Variants in MYO18B observed in about 807,000 individuals in gnomAD.
MYO18B encodes unconventional myosin-XVIIIb.
Under a neutral mutation model 273.0 loss-of-function variants are expected in MYO18B, and 204 were observed. That is an observed-to-expected ratio of 0.75 (90% CI 0.67 to 0.84). MYO18B has a LOEUF of 0.84. Among genes scored for constraint, MYO18B ranks in the 40% least tolerant of loss-of-function variants. The pLI is 0.00. For missense variants in MYO18B, 3,212 were observed against 3,287.6 expected (o/e 0.98, Z 0.56); for synonymous variants, 1,330 against 1,305.7 (o/e 1.02, Z -0.40).
intron 34 of MYO18B, among the ~76,000 whole-genome samples, chr22:25,926,719 G>A (rs1232131490): frequency 6.6e-6 from 1 of 152,184 alleles, no homozygotes; most frequent in Non-Finnish European, 1.5e-5. Flanking sequence ...CCAAGCTACA[G>A]GGATAAAGAG....
At chr22:25,951,082 A>T (rs1188079563) in intron 37 of MYO18B, among the ~76,000 whole-genome samples, 1 of 152,164 alleles carries the variant, frequency 6.6e-6, no homozygotes, top group African/African-American at 2.4e-5. Context: ...TGCCTGCTTT[A>T]TATTCTCTGG....
At chr22:25,855,669 T>A (rs1271122977) in intron 21 of MYO18B, among the ~76,000 whole-genome samples, 2 of 152,136 alleles carry the variant, frequency 1.3e-5, no homozygotes, top group Non-Finnish European at 2.9e-5. Context: ...GCATTTAGGG[T>A]GATTCTATGT....
chr22:25,871,844 A>C (rs1012521550), intron 22 of MYO18B, among the ~76,000 whole-genome samples: 2 of 152,344 alleles, frequency 1.3e-5, no homozygotes, highest in African/African-American at 4.8e-5. Context: ...GATTCTGCAA[A>C]GGCTTATTCC....
chr22:25,835,073 G>T (rs1271981147), intron 16 of MYO18B, among the ~76,000 whole-genome samples: 2 of 152,216 alleles, frequency 1.3e-5, no homozygotes, highest in East Asian at 1.9e-4. Context: ...CCACACAGGA[G>T]GTGAGCACAG....
chr22:25,952,247 G>A (rs1569229636), intron 37 of MYO18B, 39 bp from the exon 38 acceptor site: 3 of 1,596,216 alleles, frequency 1.9e-6, no homozygotes, highest in East Asian at 2.3e-5. Flanking sequence ...CTGGTATCAG[G>A]GACAACAGAT....
intron 39 of MYO18B, among the ~76,000 whole-genome samples, chr22:25,960,605 C>T (rs1021951564): frequency 6.6e-6 from 1 of 152,200 alleles, no homozygotes; most frequent in African/African-American, 2.4e-5. Context: ...TTAGAAATTG[C>T]AGCAACCTGT....
At chr22:25,852,387 T>C (rs1199074152) in intron 21 of MYO18B, among the ~76,000 whole-genome samples, 1 of 118,740 alleles carries the variant, frequency 8.4e-6, no homozygotes, top group East Asian at 3.3e-4. Flanking sequence ...ATAATGTTTT[T>C]GTTGAGTTAA....
chr22:25,829,608 G>A (rs982010739), intron 15 of MYO18B, among the ~76,000 whole-genome samples: 1 of 151,824 alleles, frequency 6.6e-6, no homozygotes, highest in African/African-American at 2.4e-5. Flanking sequence ...GGAGCCCGAG[G>A]CGGGCGGATC....
At chr22:25,818,823 G>A (rs1201444859) in intron 12 of MYO18B, among the ~76,000 whole-genome samples, 2 of 152,110 alleles carry the variant, frequency 1.3e-5, no homozygotes, top group African/African-American at 4.8e-5. Flanking sequence ...TATCTCACAT[G>A]TAACCATCTC....
intron 34 of MYO18B, among the ~76,000 whole-genome samples, chr22:25,934,137 A>G (rs1461261174): frequency 2.0e-5 from 3 of 152,186 alleles, no homozygotes; most frequent in South Asian, 4.1e-4. Context: ...TCCAAGGCAT[A>G]TGCTTATTTT....
At position 26,017,025 on chromosome 22, in the gene MYO18B, TTTCCTTCCTTCCTTCCTTCCTTCCTTCC is replaced by T. The variant is rs59617056; in HGVS notation, c.6471-9398_6471-9371del. ...TCCTAACTCTTTTTTATTAGGCTAA[TTTCCTTCCTTCCTTCCTTCCTTCCTTCC>T]TTCCTTCCTTCCTTCCTTCCTCTCT... On this transcript the variant is annotated intron_variant, in intron 42 of 43. Coordinates refer to ENST00000335473, the MANE Select transcript of MYO18B (RefSeq NM_032608.7). Among the ~76,000 whole-genome samples the T allele has an allele frequency of 2.4e-5, 3 of 124,132 alleles. No individual in the cohort carries two copies. The Admixed American group carries it at 2.5e-4, about 10-fold the overall frequency. The allele number at this position is 124,132 out of a possible 152,430, so 81.4% of individuals were successfully genotyped here.
At chr22:25,895,459 A>C (rs2146304643) in intron 28 of MYO18B, 179 bp downstream of exon 28, 1 of 680,550 alleles carries the variant, frequency 1.5e-6, no homozygotes, top group Non-Finnish European at 2.4e-6. Context: ...GACATGAAAA[A>C]TATTGTCTGT....
At chr22:25,796,303 G>C (rs2087906325) in intron 11 of MYO18B, among the ~76,000 whole-genome samples, 1 of 152,152 alleles carries the variant, frequency 6.6e-6, no homozygotes, top group East Asian at 1.9e-4. Context: ...ATCTTTGGCA[G>C]GCTGGGTGCA....
intron 34 of MYO18B, among the ~76,000 whole-genome samples, chr22:25,922,787 AGCGATCCCACAGCTTCGGCT>A (rs1293452575): frequency 6.6e-6 from 1 of 152,228 alleles, no homozygotes. Context: ...GGTTGGAAAC[AGCGATCCCACAGCTTCGGCT>A]GCTTCCAGTC....
Position 25,902,727 on chromosome 22 carries a change from G to T in MYO18B, c.4938G>T (p.Gln1646His). ...GGTGGGAGCTAGGCCAGCTTCAGCAGCAGCTGAAGGTAAGGGATGGGGGAC... is the reference window on the plus strand; with the variant it reads ...GGTGGGAGCTAGGCCAGCTTCAGCATCAGCTGAAGGTAAGGGATGGGGGAC... ...SVRWELGQLQ[Q>H]QLKQKEQEAS... Residue 1646 changes from glutamine to histidine, a missense_variant, in exon 30 of 44, where the codon CAG becomes CAT. Transcript: ENST00000335473. The T allele has an allele frequency of 6.3e-7, 1 of 1,582,908 alleles. No individual in the cohort carries two copies. Among genetic ancestry groups the T allele is most frequent in the Non-Finnish European group, 8.6e-7 (1 of 1,163,712 alleles).
chr22:25,890,633 TTATAC>T, intron 25 of MYO18B, 118 bp from the exon 26 acceptor site: 1 of 1,378,866 alleles, frequency 7.3e-7, no homozygotes, highest in Non-Finnish European at 9.8e-7. Context: ...AACGAGTTGA[TTATAC>T]TCAAGGGTTG....
At chr22:25,925,773 T>G (rs2092411607) in intron 34 of MYO18B, among the ~76,000 whole-genome samples, 1 of 148,776 alleles carries the variant, frequency 6.7e-6, no homozygotes, top group East Asian at 2.0e-4. Flanking sequence ...GGTGTGGTGG[T>G]GCATGACTGT....
intron 21 of MYO18B, among the ~76,000 whole-genome samples, chr22:25,865,652 T>A (rs2090863961): frequency 6.6e-6 from 1 of 152,082 alleles, no homozygotes; most frequent in African/African-American, 2.4e-5. Context: ...AGGCTCGGAG[T>A]AAAGCACTTC....
intron 25 of MYO18B, among the ~76,000 whole-genome samples, chr22:25,881,876 G>A (rs2091346419): frequency 1.4e-5 from 2 of 146,354 alleles, no homozygotes; most frequent in Non-Finnish European, 3.0e-5. Flanking sequence ...GTTGATGAGT[G>A]TATGGAAGCC....
Sources: gnomAD v4.1 joint callset for allele counts (sites outside exome capture counted in the v4.1 genomes callset) on GRCh38, gnomAD v4.1.1 for gene constraint, MANE v1.5 for transcripts, NCBI Gene and HGNC (gene_info 2026-07-23, HGNC 2026-07-21) for gene names.